The following JAKMIP2 variants were observed in gnomAD, a reference collection of about 807,000 sequenced individuals.
The protein encoded by JAKMIP2 is janus kinase and microtubule-interacting protein 2.
Under a neutral mutation model 115.0 loss-of-function variants are expected in JAKMIP2, and 25 were observed. That is an observed-to-expected ratio of 0.22 (90% CI 0.16 to 0.30). JAKMIP2 has a LOEUF of 0.30. JAKMIP2 is among the 10% of genes least tolerant of loss of function. JAKMIP2 has a pLI of 1.00. For missense variants in JAKMIP2, 642 were observed against 957.6 expected (o/e 0.67, Z 4.35); for synonymous variants, 334 against 343.6 (o/e 0.97, Z 0.31).
intron 21 of JAKMIP2, among the ~76,000 whole-genome samples, chr5:147,592,022 C>A (rs72835126): frequency 6.6e-6 from 1 of 152,028 alleles, no homozygotes; most frequent in African/African-American, 2.4e-5. Context: ...AATCATGCCC[C>A]AACATATCCA....
At chr5:147,777,542 G>T (rs555391475) in intron 1 of JAKMIP2, among the ~76,000 whole-genome samples, 1 of 152,190 alleles carries the variant, frequency 6.6e-6, no homozygotes, top group South Asian at 2.1e-4. Flanking sequence ...ATTTCTTGAT[G>T]GTAGGCTTAT....
intron 21 of JAKMIP2, among the ~76,000 whole-genome samples, chr5:147,593,860 A>G (rs1006919822): frequency 6.6e-6 from 1 of 152,232 alleles, no homozygotes; most frequent in Non-Finnish European, 1.5e-5. Context: ...ATCTGAATGT[A>G]TATAAAAAAT....
intron 1 of JAKMIP2, among the ~76,000 whole-genome samples, chr5:147,763,415 C>A (rs1755003651): frequency 6.6e-6 from 1 of 152,142 alleles, no homozygotes; most frequent in African/African-American, 2.4e-5. Context: ...TGGCTACACG[C>A]ACACTGTTGA....
chr5:147,754,861 G>T (rs1010985404), intron 1 of JAKMIP2, among the ~76,000 whole-genome samples: 1 of 152,108 alleles, frequency 6.6e-6, no homozygotes, highest in African/African-American at 2.4e-5. Context: ...CACAAGGTAG[G>T]GTGAGCAACA....
Position 147,661,877 on chromosome 5 carries a change from G to A in JAKMIP2, c.130-432C>T, listed in dbSNP as rs183636843. The A allele has an allele frequency of 1.2e-3, 198 of 171,480 alleles. 2 individuals are homozygous for A. In the Middle Eastern group the frequency reaches 0.035, roughly 30 times the overall value. 10.6% of individuals were successfully genotyped at this position (171,480 alleles called of 1,614,324 possible). The stretch of plus-strand genomic sequence containing the variant: ...TCATGGTTTTTCCCTTTACGGGGAG[G>A]ACTGCAAAACAGATCGCCTGGAGAG... On this transcript the variant is annotated intron_variant, in intron 2 of 21. Transcript: ENST00000616793.
intron 7 of JAKMIP2, among the ~76,000 whole-genome samples, chr5:147,643,045 G>C (rs1581342716): frequency 6.6e-6 from 1 of 152,000 alleles, no homozygotes; most frequent in Admixed American, 6.6e-5. Flanking sequence ...TGGCTTCCTT[G>C]CTCTTCAGCT....
chr5:147,747,422 C>T (rs1236297755), intron 1 of JAKMIP2, among the ~76,000 whole-genome samples: 2 of 152,200 alleles, frequency 1.3e-5, no homozygotes, highest in South Asian at 2.1e-4. Flanking sequence ...CACAGCTGGG[C>T]CTGAAAACAT....
chr5:147,635,552 CTTTGT>C (rs749104278), intron 12 of JAKMIP2, among the ~76,000 whole-genome samples: 32 of 151,992 alleles, frequency 2.1e-4, no homozygotes, highest in Non-Finnish European at 4.3e-4. Flanking sequence ...ATAGAGGTTT[CTTTGT>C]TTTGTTTTGT....
intron 3 of JAKMIP2, among the ~76,000 whole-genome samples, chr5:147,653,238 C>T (rs938723303): frequency 2.0e-5 from 3 of 152,076 alleles, no homozygotes; most frequent in Non-Finnish European, 4.4e-5. Flanking sequence ...AATGGGATTG[C>T]TAGGTCAAAA....
At chr5:147,623,516 G>T in intron 17 of JAKMIP2, 105 bp downstream of exon 17, 2 of 640,938 alleles carry the variant, frequency 3.1e-6, no homozygotes, top group South Asian at 2.0e-5. Flanking sequence ...ATGGAAAGAT[G>T]ACAAACTTTC....
chr5:147,702,531 G>A (rs2126888017), intron 1 of JAKMIP2, among the ~76,000 whole-genome samples: 1 of 140,300 alleles, frequency 7.1e-6, no homozygotes, highest in South Asian at 2.3e-4. Context: ...AGGAGGGAGG[G>A]AGAGAGAGAG....
chr5:147,605,789 C>T (rs1181646270), intron 20 of JAKMIP2, among the ~76,000 whole-genome samples: 1 of 152,164 alleles, frequency 6.6e-6, no homozygotes, highest in Non-Finnish European at 1.5e-5. Flanking sequence ...AACTAATTTA[C>T]ACTCCCGCCA....
chr5:147,656,952 G>C (rs1370207446), intron 3 of JAKMIP2, among the ~76,000 whole-genome samples: 1 of 152,134 alleles, frequency 6.6e-6, no homozygotes, highest in African/African-American at 2.4e-5. Context: ...AGTTTGGCTG[G>C]ATATGAAATT....
At chr5:147,714,968 A>G (rs1480410394) in intron 1 of JAKMIP2, among the ~76,000 whole-genome samples, 2 of 152,234 alleles carry the variant, frequency 1.3e-5, no homozygotes, top group African/African-American at 4.8e-5. Flanking sequence ...AATGTAAAAG[A>G]ACATGGATTA....
chr5:147,692,231 G>A (rs910342728), intron 1 of JAKMIP2, among the ~76,000 whole-genome samples: 5 of 152,174 alleles, frequency 3.3e-5, no homozygotes, highest in African/African-American at 1.2e-4. Flanking sequence ...TTGGGGCATT[G>A]TGTCTACAAA....
intron 21 of JAKMIP2, among the ~76,000 whole-genome samples, chr5:147,597,921 G>C (rs1434445216): frequency 6.6e-6 from 1 of 151,886 alleles, no homozygotes; most frequent in Non-Finnish European, 1.5e-5. Flanking sequence ...CAGCCTCCTG[G>C]GGCTCTCAAG....
At chr5:147,682,334 C>T (rs73797143) in intron 1 of JAKMIP2, among the ~76,000 whole-genome samples, 3,563 of 152,198 alleles carry the variant, frequency 0.023, 149 homozygotes, top group African/African-American at 0.082. Context: ...TGGACTTCAT[C>T]CACAAATCAA....
At chr5:147,652,409 G>C (rs1035129761) in intron 3 of JAKMIP2, among the ~76,000 whole-genome samples, 1 of 152,150 alleles carries the variant, frequency 6.6e-6, no homozygotes, top group Admixed American at 6.5e-5. Context: ...TAGCAGTTAT[G>C]AGCATGGACT....
At chr5:147,640,129 A>G (rs1368760586) in intron 9 of JAKMIP2, among the ~76,000 whole-genome samples, 4 of 151,180 alleles carry the variant, frequency 2.6e-5, no homozygotes. Flanking sequence ...ATTTCTTTTC[A>G]GTATGTTCAT....
Sources: allele counts gnomAD v4.1 joint callset (sites outside exome capture counted in the v4.1 genomes callset), GRCh38; gene constraint gnomAD v4.1.1; transcripts MANE v1.5; gene names NCBI Gene and HGNC (gene_info 2026-07-23, HGNC 2026-07-21).